Variants in DCBLD1 observed in about 807,000 individuals in gnomAD.
DCBLD1 encodes discoidin, CUB and LCCL domain-containing protein 1.
DCBLD1 carries 57 observed loss-of-function variants against 71.5 expected under a neutral mutation model. That is an observed-to-expected ratio of 0.80 (90% CI 0.64 to 0.99). The LOEUF (loss-of-function observed/expected upper bound fraction) is 0.99, where lower values mean the gene tolerates loss of function less well. DCBLD1 is among the 50% of genes least tolerant of loss of function. DCBLD1 has a pLI of 0.00. For missense variants in DCBLD1, 891 were observed against 923.5 expected (o/e 0.96, Z 0.46); for synonymous variants, 380 against 363.8 (o/e 1.04, Z -0.51).
chr6:117,554,303 A>G (rs553612618), downstream of DCBLD1, among the ~76,000 whole-genome samples: 1 of 152,350 alleles, frequency 6.6e-6, no homozygotes, highest in South Asian at 2.1e-4. Context: ...CCACCTTAGC[A>G]TGATGCTGGC....
chr6:117,517,645 G>T (rs967641284), intron 2 of DCBLD1, among the ~76,000 whole-genome samples: 1 of 152,308 alleles, frequency 6.6e-6, no homozygotes, highest in South Asian at 2.1e-4. Context: ...TGAAATCTAG[G>T]TGGAGGTTCC....
chr6:117,519,842 C>A lies in DCBLD1; in HGVS notation c.352C>A (p.Pro118Thr). Reference protein sequence around the residue: ...YGPYCGSMTVPKELLLNTSEV... With the variant: ...YGPYCGSMTVTKELLLNTSEV... ...TCCATACTGTGGAAGTATGACTGTT[C>A]CCAAAGAACTCTTGTTGAACACAAG... Residue 118 changes from proline to threonine, a missense_variant, in exon 3 of 15, where the codon CCC becomes ACC. Physicochemically the swap from Pro to Thr is conservative, Grantham distance 38. Transcript: ENST00000338728. 2 of 1,613,916 alleles carry A rather than the reference C, an allele frequency of 1.2e-6. No homozygotes were observed. The highest frequency in any genetic ancestry group is 2.2e-5 in the East Asian group (1 of 44,876).
Position 117,548,340 on chromosome 6 carries a change from T to A in DCBLD1, c.2049T>A (p.Ser683=). The change falls in exon 15 of 15, where the codon TCT becomes TCA. Residue 683 remains serine (S), a synonymous_variant. Coordinates refer to ENST00000338728, the MANE Select transcript of DCBLD1 (RefSeq NM_001366458.2). ...ALATESGHPD[S]QKPPTHPGTS... Reference sequence around the variant, plus strand: ...CCACCGAAAGCGGGCACCCTGACTCTCAGAAGCCCCCAACGCATCCCGGGA... The same window carrying A: ...CCACCGAAAGCGGGCACCCTGACTCACAGAAGCCCCCAACGCATCCCGGGA... The A allele has an allele frequency of 1.3e-6, 2 of 1,550,598 alleles. No homozygotes were observed. The highest frequency in any genetic ancestry group is 1.7e-6 in the Non-Finnish European group (2 of 1,146,982).
chr6:117,538,510 A>T, intron 7 of DCBLD1, 110 bp from the exon 8 acceptor site: 1 of 989,460 alleles, frequency 1.0e-6, no homozygotes, highest in Admixed American at 2.4e-5. Flanking sequence ...ATTCCATATC[A>T]GAATAAAAGT....
At chr6:117,551,989 A>G (rs1450422630), downstream of DCBLD1, among the ~76,000 whole-genome samples, 2 of 152,130 alleles carry the variant, frequency 1.3e-5, no homozygotes, top group African/African-American at 2.4e-5. Context: ...AGCCAGTTGT[A>G]GTGGTGCAAG....
intron 1 of DCBLD1, chr6:117,485,125 T>C (rs1185412974): frequency 6.6e-6 from 1 of 152,258 alleles, no homozygotes; most frequent in Non-Finnish European, 1.5e-5. Flanking sequence ...ATTCCACTTG[T>C]ATAAATTCGT....
chr6:117,569,836 A>C, exon 15 of DCBLD1: 1 of 1,278,178 alleles, frequency 7.8e-7, no homozygotes, highest in Non-Finnish European at 1.0e-6. Flanking sequence ...TATTTCATTA[A>C]ACACCTATGC....
At chr6:117,517,126 C>T (rs1200857663) in intron 2 of DCBLD1, among the ~76,000 whole-genome samples, 1 of 152,202 alleles carries the variant, frequency 6.6e-6, no homozygotes, top group African/African-American at 2.4e-5. Flanking sequence ...GCCTATGAGC[C>T]TGTAAAATCA....
chr6:117,499,957 G>T (rs1321909254), intron 1 of DCBLD1, among the ~76,000 whole-genome samples: 1 of 152,230 alleles, frequency 6.6e-6, no homozygotes, highest in African/African-American at 2.4e-5. Flanking sequence ...GGCGGAGGTT[G>T]CGGTGAGCTG....
At chr6:117,531,375 G>A (rs1286879188) in intron 5 of DCBLD1, among the ~76,000 whole-genome samples, 1 of 152,224 alleles carries the variant, frequency 6.6e-6, no homozygotes, top group Non-Finnish European at 1.5e-5. Flanking sequence ...CTCTTCCACA[G>A]AGGTCTACAC....
At chr6:117,568,930 T>C (rs1779752045) in intron 14 of DCBLD1, among the ~76,000 whole-genome samples, 1 of 152,206 alleles carries the variant, frequency 6.6e-6, no homozygotes, top group Non-Finnish European at 1.5e-5. Flanking sequence ...AACATCTCAA[T>C]GTACTACCAA....
intron 1 of DCBLD1, among the ~76,000 whole-genome samples, chr6:117,502,334 C>T (rs1050484942): frequency 1.3e-5 from 2 of 152,346 alleles, no homozygotes; most frequent in South Asian, 4.1e-4. Context: ...TCTATTTCCC[C>T]AATTCAGCCC....
chr6:117,515,535 G>T (rs1413866561), intron 2 of DCBLD1, among the ~76,000 whole-genome samples: 1 of 152,206 alleles, frequency 6.6e-6, no homozygotes, highest in African/African-American at 2.4e-5. Context: ...CCTCTTATCT[G>T]TGCAAAGAAC....
intron 12 of DCBLD1, 102 bp from the exon 13 acceptor site, chr6:117,544,425 CA>C (rs1253243844): frequency 7.3e-6 from 8 of 1,098,704 alleles, no homozygotes; most frequent in Non-Finnish European, 1.0e-5. Context: ...ATTCTCACAT[CA>C]ACCCTATGAG....
intron 1 of DCBLD1, among the ~76,000 whole-genome samples, chr6:117,490,872 G>A (rs1391430484): frequency 2.6e-5 from 4 of 152,096 alleles, no homozygotes; most frequent in Non-Finnish European, 5.9e-5. Context: ...TTTTGCATTT[G>A]AGCATGTTTA....
chr6:117,503,453 T>C (rs1432800043), intron 1 of DCBLD1: 1 of 308,342 alleles, frequency 3.2e-6, no homozygotes, highest in Non-Finnish European at 6.0e-6. Flanking sequence ...CAAGGCCTGC[T>C]GAGCAAGTTT....
At chr6:117,538,283 AT>A (rs1453029031) in intron 7 of DCBLD1, among the ~76,000 whole-genome samples, 2 of 152,256 alleles carry the variant, frequency 1.3e-5, no homozygotes, top group East Asian at 3.8e-4. Context: ...GGAACACATC[AT>A]TTTAAACCTT....
intron 2 of DCBLD1, among the ~76,000 whole-genome samples, chr6:117,509,500 A>T (rs1242073249): frequency 6.6e-6 from 1 of 152,210 alleles, no homozygotes; most frequent in Non-Finnish European, 1.5e-5. Flanking sequence ...ACACTTATAT[A>T]TGACTTTAAA....
chr6:117,499,928 C>A (rs1777596515), intron 1 of DCBLD1, among the ~76,000 whole-genome samples: 1 of 152,240 alleles, frequency 6.6e-6, no homozygotes, highest in Non-Finnish European at 1.5e-5. Context: ...TGAGGCAGGA[C>A]AATCGCTTGA....
Sources: allele counts gnomAD v4.1 joint callset (sites outside exome capture counted in the v4.1 genomes callset), GRCh38; gene constraint gnomAD v4.1.1; transcripts MANE v1.5; gene names NCBI Gene and HGNC (gene_info 2026-07-23, HGNC 2026-07-21).